The following ERICH1 variants were observed in gnomAD, a reference collection of about 807,000 sequenced individuals.
ERICH1 encodes glutamate rich 1.
ERICH1 carries 56 observed loss-of-function variants against 39.6 expected under a neutral mutation model. The ratio of observed to expected loss-of-function variants is 1.41; its 90% confidence interval spans 1.14 to 1.77. The LOEUF is 1.77. Ranked by LOEUF, ERICH1 falls within the 40% of genes most tolerant of loss-of-function variation. The pLI, the probability that ERICH1 is intolerant of heterozygous loss-of-function variation, is 0.00. For synonymous variants in ERICH1, 313 were observed against 223.6 expected, an observed-to-expected ratio of 1.40 and a Z score of -3.57; for missense variants, 826 against 575.4, an observed-to-expected ratio of 1.44 and a Z score of -4.45.
intron 3 of ERICH1, chr8:615,404 C>T: frequency 1.8e-6 from 1 of 559,382 alleles, no homozygotes; most frequent in Non-Finnish European, 3.1e-6. Context: ...CTTCCTAAGC[C>T]CTGCTTTCCT....
chr8:668,449 T>C, intron 5 of ERICH1, 149 bp downstream of exon 5: 1 of 713,218 alleles, frequency 1.4e-6, no homozygotes, highest in Non-Finnish European at 2.4e-6. Flanking sequence ...AGGAAGCCTG[T>C]TTCTCTCTGG....
chr8:618,687 C>A (rs1367954909), intron 3 of ERICH1, among the ~76,000 whole-genome samples: 1 of 152,212 alleles, frequency 6.6e-6, no homozygotes, highest in Non-Finnish European at 1.5e-5. Flanking sequence ...TTATCACACA[C>A]AGCACGCTTG....
chr8:620,350 A>G (rs909948403), intron 3 of ERICH1, among the ~76,000 whole-genome samples: 29 of 152,278 alleles, frequency 1.9e-4, no homozygotes, highest in African/African-American at 6.7e-4. Flanking sequence ...AACAAAAAGC[A>G]TAATGTTAGA....
At chr8:639,642 A>G (rs909149326) in intron 3 of ERICH1, among the ~76,000 whole-genome samples, 1,695 of 146,058 alleles carry the variant, frequency 0.012, 85 homozygotes, top group African/African-American at 0.042. Context: ...AGACACGACC[A>G]AGCACCCTGG....
At chr8:634,484 T>C (rs1429080651) in intron 3 of ERICH1, among the ~76,000 whole-genome samples, 1 of 152,184 alleles carries the variant, frequency 6.6e-6, no homozygotes, top group Non-Finnish European at 1.5e-5. Flanking sequence ...CCCAAAACAC[T>C]GAACAGGGTC....
intron 3 of ERICH1, among the ~76,000 whole-genome samples, chr8:688,131 T>G (rs1585316197): frequency 1.3e-5 from 2 of 151,830 alleles, no homozygotes; most frequent in South Asian, 2.1e-4. Flanking sequence ...GGAGGGAGGG[T>G]CTGCAACCCA....
chr8:682,525 C>G (rs1806361232), intron 3 of ERICH1, among the ~76,000 whole-genome samples: 2 of 152,214 alleles, frequency 1.3e-5, no homozygotes, highest in Non-Finnish European at 2.9e-5. Flanking sequence ...ATGTCCACAT[C>G]TCCAGGGCAT....
chr8:653,238 G>A (rs914975405), intron 3 of ERICH1, among the ~76,000 whole-genome samples: 2 of 152,252 alleles, frequency 1.3e-5, no homozygotes, highest in Non-Finnish European at 2.9e-5. Context: ...ACAGTGCCAT[G>A]TGCTAACACG....
rs1439777851 is a variant in ERICH1, at chr8:646,186, A to G, written c.976+22412T>C. Among the ~76,000 whole-genome samples the G allele has an allele frequency of 2.9e-5, 2 of 68,990 alleles. 1 individual carries two copies. Among genetic ancestry groups the G allele is most frequent in the African/African-American group, 7.3e-5 (2 of 27,382 alleles). 45.3% of individuals were successfully genotyped at this position (68,990 alleles called of 152,430 possible). A position where few individuals can be genotyped will look rare whatever the true frequency, so the allele number is the denominator to read the frequency against. ...TCTTAATGACGTCTCCATGAACTAA[A>G]TATTATGAGACTCAACCAGAAGACC... On this transcript the variant is annotated intron_variant, in intron 3 of 3. Transcript: ENST00000522706.
At chr8:677,114 G>A (rs1017091536) in intron 3 of ERICH1, among the ~76,000 whole-genome samples, 10 of 152,356 alleles carry the variant, frequency 6.6e-5, no homozygotes, top group African/African-American at 2.2e-4. Flanking sequence ...CCCTGCAGAG[G>A]GTGAGCTCCG....
At chr8:663,487 C>T (rs1340719315), downstream of ERICH1, among the ~76,000 whole-genome samples, 2 of 151,912 alleles carry the variant, frequency 1.3e-5, no homozygotes, top group African/African-American at 2.4e-5. Flanking sequence ...GAGATTGGCA[C>T]CCACACAGCG....
intron 3 of ERICH1, among the ~76,000 whole-genome samples, chr8:690,146 G>A (rs1808580840): frequency 6.6e-6 from 1 of 152,144 alleles, no homozygotes; most frequent in South Asian, 2.1e-4. Context: ...TAACCCAGGT[G>A]GCAGAGGTCC....
chr8:694,044 G>C (rs952873538), intron 2 of ERICH1, among the ~76,000 whole-genome samples: 1 of 152,204 alleles, frequency 6.6e-6, no homozygotes, highest in African/African-American at 2.4e-5. Flanking sequence ...AAACACAAGT[G>C]GACATCCCAG....
intron 1 of ERICH1, among the ~76,000 whole-genome samples, chr8:728,017 T>C (rs945303659): frequency 2.6e-5 from 4 of 152,172 alleles, no homozygotes; most frequent in Non-Finnish European, 4.4e-5. Flanking sequence ...CTCTGACTGC[T>C]CAGGGCTGGG....
intron 3 of ERICH1, among the ~76,000 whole-genome samples, chr8:631,577 C>A (rs574919871): frequency 1.5e-3 from 230 of 152,302 alleles, no homozygotes; most frequent in Middle Eastern, 6.8e-3. Context: ...TCTCTCCTCC[C>A]ACAATAGACA....
intron 2 of ERICH1, among the ~76,000 whole-genome samples, chr8:702,231 G>C (rs1233284869): frequency 1.3e-5 from 2 of 152,310 alleles, no homozygotes; most frequent in Non-Finnish European, 1.5e-5. Context: ...AGGCTGTCCA[G>C]TTTTGTTAGC....
At chr8:673,112 C>A (rs757327225) in intron 4 of ERICH1, among the ~76,000 whole-genome samples, 177 bp downstream of exon 4, 1 of 152,200 alleles carries the variant, frequency 6.6e-6, no homozygotes, top group Non-Finnish European at 1.5e-5. Flanking sequence ...CTGATCTTTG[C>A]CTTATAACTA....
intron 2 of ERICH1, 104 bp from the exon 3 acceptor site, chr8:692,716 C>T (rs1809200035): frequency 7.6e-7 from 1 of 1,314,814 alleles, no homozygotes; most frequent in Non-Finnish European, 1.0e-6. Context: ...TCATTCAAGA[C>T]ATGAAATCAA....
rs866457277 is a variant in ERICH1, at chr8:629,723, T to A, written c.977-14439A>T. ...GACCACCCACACAGACAGAGCTGAC[T>A]CACACCCTCCCGTGACAACCCACAC... On this transcript the variant is annotated intron_variant, in intron 3 of 3. Transcript: ENST00000522706. Among the ~76,000 whole-genome samples the A allele has an allele frequency of 7.7e-3, 844 of 109,494 alleles. 3 individuals are homozygous for A. Among genetic ancestry groups the A allele is most frequent in the Middle Eastern group, 0.016 (2 of 124 alleles). 71.8% of individuals were successfully genotyped at this position (109,494 alleles called of 152,430 possible). A position where few individuals can be genotyped will look rare whatever the true frequency, so the allele number is the denominator to read the frequency against.
Sources: gnomAD v4.1 joint callset for allele counts (sites outside exome capture counted in the v4.1 genomes callset) on GRCh38, gnomAD v4.1.1 for gene constraint, MANE v1.5 for transcripts, NCBI Gene and HGNC (gene_info 2026-07-23, HGNC 2026-07-21) for gene names.